GBF1: variants seen among roughly 807,000 people sequenced by gnomAD.
GBF1 encodes the protein Golgi-specific brefeldin A-resistance guanine nucleotide exchange factor 1.
GBF1 carries 114 observed loss-of-function variants against 210.5 expected under a neutral mutation model. The observed-to-expected ratio is 0.54, with a 90% CI of 0.47 to 0.63. The LOEUF is 0.63. Ranked by LOEUF, GBF1 falls within the 30% of genes least tolerant of loss-of-function variation. GBF1 has a pLI of 0.00. For synonymous variants in GBF1, 850 were observed against 889.2 expected (o/e 0.96, Z 0.78); for missense variants, 1,851 against 2,357.7 (o/e 0.79, Z 4.45).
chr10:102,360,881 A>G, intron 12 of GBF1, 141 bp from the exon 13 acceptor site: 1 of 636,510 alleles, frequency 1.6e-6, no homozygotes, highest in Non-Finnish European at 2.8e-6. Flanking sequence ...AGGCTGAGGA[A>G]GGAGAATATC....
intron 29 of GBF1, among the ~76,000 whole-genome samples, chr10:102,372,958 T>C (rs1281614920): frequency 1.3e-5 from 2 of 152,174 alleles, no homozygotes; most frequent in African/African-American, 2.4e-5. Flanking sequence ...AAAGTAATAA[T>C]TTTTAGACTT....
intron 3 of GBF1, among the ~76,000 whole-genome samples, chr10:102,307,475 C>T (rs1379300153): frequency 6.6e-6 from 1 of 151,218 alleles, no homozygotes; most frequent in Non-Finnish European, 1.5e-5. Context: ...CTGTGAGAAC[C>T]GGTGTAAATC....
intron 3 of GBF1, among the ~76,000 whole-genome samples, chr10:102,315,690 G>A (rs2078870829): frequency 6.6e-6 from 1 of 152,168 alleles, no homozygotes; most frequent in Non-Finnish European, 1.5e-5. Context: ...ACAGGAGGCA[G>A]AGTTTAGGTG....
Position 102,376,572 on chromosome 10 carries a change from G to A in GBF1, c.4060G>A (p.Asp1354Asn), listed in dbSNP as rs1197976805. 3 of 1,614,090 alleles carry A rather than the reference G, an allele frequency of 1.9e-6. No homozygotes were observed. The highest frequency in any genetic ancestry group is 1.1e-5 in the South Asian group (1 of 91,060). The change falls in exon 32 of 40, where the codon GAC becomes AAC. Residue 1354 changes from aspartate (D) to asparagine (N), a missense_variant. Coordinates refer to ENST00000369983, the MANE Select transcript of GBF1 (RefSeq NM_001377137.1). ...GTGTACTTTACAGGTTGGGAAGGAT[G>A]ACGTTGATAACTCCAAGCCAGGGCC... is the stretch of plus-strand genomic sequence containing the variant. Reference protein sequence around the residue: ...NSGWLVVGKDDVDNSKPGPSR... With the variant: ...NSGWLVVGKDNVDNSKPGPSR...
chr10:102,347,100 A>G (rs1225889471), intron 4 of GBF1, among the ~76,000 whole-genome samples: 1 of 152,202 alleles, frequency 6.6e-6, no homozygotes, highest in Admixed American at 6.5e-5. Flanking sequence ...TTGGCAGCCC[A>G]TGTACAAGGA....
intron 3 of GBF1, among the ~76,000 whole-genome samples, chr10:102,297,552 T>C (rs1452181751): frequency 6.6e-6 from 1 of 152,254 alleles, no homozygotes; most frequent in Admixed American, 6.5e-5. Flanking sequence ...AGAATGACTC[T>C]TGTAGATAGA....
At chr10:102,275,004 G>A (rs112374392) in intron 3 of GBF1, among the ~76,000 whole-genome samples, 5 of 143,578 alleles carry the variant, frequency 3.5e-5, no homozygotes, top group African/African-American at 5.1e-5. Context: ...GATCCACCGC[G>A]CCAGGACTTT....
chr10:102,256,405 CTATT>C (rs2072386327), intron 1 of GBF1, among the ~76,000 whole-genome samples: 1 of 151,814 alleles, frequency 6.6e-6, no homozygotes, highest in South Asian at 2.1e-4. Context: ...GTTTTTGTAT[CTATT>C]CCACTAAACT....
intron 3 of GBF1, among the ~76,000 whole-genome samples, chr10:102,277,064 C>T (rs913969770): frequency 5.9e-5 from 9 of 152,056 alleles, no homozygotes; most frequent in Admixed American, 2.0e-4. Flanking sequence ...CAGTGGTTCA[C>T]ATATATAATT....
intron 3 of GBF1, among the ~76,000 whole-genome samples, chr10:102,302,253 T>G (rs75405506): frequency 2.9e-5 from 2 of 69,994 alleles, no homozygotes; most frequent in Admixed American, 1.7e-4. Flanking sequence ...AGGGAGACTG[T>G]GGAAAGGGAG....
intron 3 of GBF1, among the ~76,000 whole-genome samples, chr10:102,337,071 A>G (rs1246303984): frequency 6.6e-6 from 1 of 152,130 alleles, no homozygotes; most frequent in Non-Finnish European, 1.5e-5. Context: ...AATTAACTGT[A>G]TTTTATAAAA....
At chr10:102,353,552 C>T in intron 7 of GBF1, 48 bp from the exon 8 acceptor site, 1 of 1,278,418 alleles carries the variant, frequency 7.8e-7, no homozygotes, top group Non-Finnish European at 1.1e-6. Flanking sequence ...TGGAGGGAGA[C>T]ATTTGTCATT....
chr10:102,311,361 A>C (rs544868915), intron 3 of GBF1, among the ~76,000 whole-genome samples: 2 of 152,326 alleles, frequency 1.3e-5, no homozygotes, highest in Admixed American at 6.5e-5. Flanking sequence ...TGGAGTGGTT[A>C]ATTTTCTTAG....
chr10:102,253,017 C>T (rs969186357), intron 1 of GBF1, among the ~76,000 whole-genome samples: 2 of 152,074 alleles, frequency 1.3e-5, no homozygotes, highest in African/African-American at 4.8e-5. Context: ...GCCTCAGCCT[C>T]CTGAGTAGCT....
At chr10:102,299,441 C>T (rs904776468) in intron 3 of GBF1, among the ~76,000 whole-genome samples, 12 of 152,050 alleles carry the variant, frequency 7.9e-5, no homozygotes, top group African/African-American at 2.7e-4. Context: ...ATAGATAATA[C>T]GCTTCCCCAA....
intron 3 of GBF1, among the ~76,000 whole-genome samples, chr10:102,312,364 A>T (rs1227882440): frequency 1.3e-5 from 2 of 152,052 alleles, no homozygotes; most frequent in Non-Finnish European, 2.9e-5. Context: ...GTTGAGGAAC[A>T]ATCCACTTAA....
chr10:102,259,664 T>C (rs2072935184), intron 2 of GBF1, among the ~76,000 whole-genome samples: 1 of 152,136 alleles, frequency 6.6e-6, no homozygotes, highest in African/African-American at 2.4e-5. Context: ...AGTTCTTTCA[T>C]AAAAATGTAT....
intron 3 of GBF1, among the ~76,000 whole-genome samples, chr10:102,263,803 T>G (rs1450569916): frequency 1.3e-5 from 2 of 152,168 alleles, no homozygotes; most frequent in African/African-American, 4.8e-5. Flanking sequence ...ATACCAAATT[T>G]GAAAAGAGGG....
At chr10:102,311,338 T>G (rs181357692) in intron 3 of GBF1, among the ~76,000 whole-genome samples, 1 of 152,178 alleles carries the variant, frequency 6.6e-6, no homozygotes, top group Non-Finnish European at 1.5e-5. Context: ...GAAAGGGCTT[T>G]ATAGTCTGTG....
Sources: gnomAD v4.1 joint callset for allele counts (sites outside exome capture counted in the v4.1 genomes callset) on GRCh38, gnomAD v4.1.1 for gene constraint, MANE v1.5 for transcripts, NCBI Gene and HGNC (gene_info 2026-07-23, HGNC 2026-07-21) for gene names.